Variants in GALNT18 observed in about 807,000 individuals in gnomAD.
GALNT18 encodes polypeptide N-acetylgalactosaminyltransferase 18.
Under a neutral mutation model 69.5 loss-of-function variants are expected in GALNT18, and 44 were observed. The ratio of observed to expected loss-of-function variants is 0.63; its 90% CI spans 0.50 to 0.81. GALNT18 has a LOEUF of 0.81. Among genes scored for constraint, GALNT18 ranks in the 40% least tolerant of loss-of-function variants. The probability of loss-of-function intolerance (pLI) is 0.00; values close to 1 mark genes in which losing one functional copy is unlikely to be tolerated. For missense variants in GALNT18, 715 were observed against 810.0 expected (o/e 0.88, Z 1.42); for synonymous variants, 364 against 318.2 (o/e 1.14, Z -1.53).
intron 1 of GALNT18, among the ~76,000 whole-genome samples, chr11:11,575,017 G>A (rs79435183): frequency 0.021 from 3,198 of 152,278 alleles, 100 homozygotes; most frequent in African/African-American, 0.073. Context: ...GCATGTGCCT[G>A]GCTGAGTACT....
At chr11:11,307,675 G>A (rs1849602015) in intron 9 of GALNT18, among the ~76,000 whole-genome samples, 1 of 152,130 alleles carries the variant, frequency 6.6e-6, no homozygotes, top group Non-Finnish European at 1.5e-5. Context: ...GTTCTTCTCT[G>A]CCTTTGCTGG....
chr11:11,317,856 G>C (rs1470790076), intron 9 of GALNT18, among the ~76,000 whole-genome samples: 1 of 152,202 alleles, frequency 6.6e-6, no homozygotes, highest in Non-Finnish European at 1.5e-5. Context: ...ATGAATGAAT[G>C]AAAGAAACAA....
chr11:11,516,954 G>C (rs4072694), intron 1 of GALNT18, among the ~76,000 whole-genome samples: 107,381 of 152,138 alleles, frequency 0.71, 38,221 homozygotes, highest in East Asian at 0.88. Flanking sequence ...CAAGGTGGTG[G>C]TACTAGGAGG....
Position 11,271,189 on chromosome 11 carries a change from G to C in GALNT18, c.1779C>G (p.Gly593=), listed in dbSNP as rs781545082. 1 of 1,614,106 alleles carries C rather than the reference G, an allele frequency of 6.2e-7. No homozygotes were observed. The highest frequency in any genetic ancestry group is 8.5e-7 in the Non-Finnish European group (1 of 1,179,986). ...GGACGTTGGTGATGCTCCAGTGCTG[G>C]CCCGAGCACTTCTGCAACACCAGCT... ...GFQLVLQKCS[G]QHWSITNVLR... is the part of the protein sequence containing the mutation. Residue 593 remains glycine, a synonymous_variant, in exon 11 of 11, where the codon GGC becomes GGG. Coordinates refer to ENST00000227756, the MANE Select transcript of GALNT18 (RefSeq NM_198516.3).
chr11:11,328,140 T>A (rs4910320), intron 8 of GALNT18, among the ~76,000 whole-genome samples: 478 of 152,050 alleles, frequency 3.1e-3, no homozygotes, highest in African/African-American at 0.011. Context: ...AAGGATATGA[T>A]GATGCACGAG....
Position 11,327,192 on chromosome 11 carries a change from GAGAACAGATGGCCACACCAA to G in GALNT18, c.1417-31_1417-12del. On this transcript the variant is annotated splice_polypyrimidine_tract_variant and intron_variant, in intron 8 of 10. Transcript: ENST00000227756. ...CAGAGAATTCTGCAGCTGAACATCA[GAGAACAGATGGCCACACCAA>G]AGAGAGAGGAACAGAGAGAGCAAAT... is the stretch of plus-strand genomic sequence containing the variant. 1.3e-6 allele frequency: 2 copies of G among 1,585,270 alleles called. No individual in the cohort carries two copies. The highest frequency in any genetic ancestry group is 1.7e-6 in the Non-Finnish European group (2 of 1,153,734).
chr11:11,593,778 A>ATAAAG (rs1265615096), intron 1 of GALNT18, among the ~76,000 whole-genome samples: 1 of 151,816 alleles, frequency 6.6e-6, no homozygotes, highest in Admixed American at 6.6e-5. Flanking sequence ...AAACAATAAA[A>ATAAAG]TAAAGTAAAA....
chr11:11,621,498 G>T lies in GALNT18; in HGVS notation c.96C>A (p.Val32=). 6.2e-7 allele frequency: 1 copy of T among 1,614,122 alleles called. No homozygotes were observed. Reference sequence around the variant, plus strand: ...CATACACGCTGGCGATGTAGTTGGTGACCCAGCCCACGTAGAGCAGGCAGA... The same window carrying T: ...CATACACGCTGGCGATGTAGTTGGTTACCCAGCCCACGTAGAGCAGGCAGA... The part of the protein sequence containing the change: ...NIICLLYVGW[V]TNYIASVYVR... Residue 32 remains valine (V), a synonymous_variant, in exon 1 of 11, where the codon GTC becomes GTA. Transcript: ENST00000227756. The surrounding 1 kb of genome is among the most constrained non-coding windows in gnomAD (Gnocchi z 9.3).
intron 3 of GALNT18, among the ~76,000 whole-genome samples, chr11:11,419,691 A>G (rs1037061134): frequency 6.6e-6 from 1 of 151,956 alleles, no homozygotes; most frequent in South Asian, 2.1e-4. Context: ...TCTTTGTGTC[A>G]ATATGATTAT....
chr11:11,305,072 G>T (rs187751663), intron 9 of GALNT18, among the ~76,000 whole-genome samples: 1 of 152,232 alleles, frequency 6.6e-6, no homozygotes, highest in African/African-American at 2.4e-5. Flanking sequence ...AAGGCCAGAG[G>T]TAGGTGATGA....
chr11:11,370,076 G>GAA (rs35304812), intron 6 of GALNT18, among the ~76,000 whole-genome samples: 1 of 149,652 alleles, frequency 6.7e-6, no homozygotes, highest in African/African-American at 2.4e-5. Context: ...GTATCTTATG[G>GAA]AAAAAAAAAA....
At chr11:11,282,019 G>A (rs1237653694) in intron 10 of GALNT18, among the ~76,000 whole-genome samples, 7 of 152,104 alleles carry the variant, frequency 4.6e-5, no homozygotes, top group African/African-American at 1.4e-4. Context: ...TGGACAGAGG[G>A]ACCAGGCCAC....
rs377012583 is a variant in GALNT18 at position 11,422,618 on chromosome 11, G to T, written c.595+10003C>A. On this transcript the variant is annotated intron_variant, in intron 3 of 10. Coordinates refer to ENST00000227756, the MANE Select transcript of GALNT18 (RefSeq NM_198516.3). The stretch of plus-strand genomic sequence containing the variant: ...ACCATTCTTTTCCTCTGTTTTTTTT[G>T]TTGTTTTTTTTTTTTTAACTTTTGC... Among the ~76,000 whole-genome samples, 241 of 149,382 alleles carry T rather than the reference G, an allele frequency of 1.6e-3. 3 individuals are homozygous for T. In the East Asian group the frequency reaches 0.025, roughly 15 times the overall value.
rs1855487710 is a variant in GALNT18 at position 11,439,467 on chromosome 11, T to A, written c.429-6680A>T. ...CATAACCCAGTAGAGAAAGACCAATTCCCTTCCTGGGCTGGAGTCCAGTCC... is the reference window on the plus strand; with the variant it reads ...CATAACCCAGTAGAGAAAGACCAATACCCTTCCTGGGCTGGAGTCCAGTCC... On this transcript the variant is annotated intron_variant, in intron 2 of 10. Transcript: ENST00000227756. The surrounding 1 kb of genome is among the most constrained non-coding windows in gnomAD (Gnocchi z 4.4). Among the ~76,000 whole-genome samples the A allele has an allele frequency of 6.6e-6, 1 of 152,210 alleles. No individual in the cohort carries two copies. The highest frequency in any genetic ancestry group is 2.4e-5 in the African/African-American group (1 of 41,446).
chr11:11,334,102 G>C (rs899714799), intron 7 of GALNT18, among the ~76,000 whole-genome samples: 20 of 152,082 alleles, frequency 1.3e-4, no homozygotes, highest in Admixed American at 2.0e-4. Context: ...GTGAATCCCT[G>C]GTTCAAACAT....
chr11:11,513,310 C>T (rs1013880807), intron 1 of GALNT18, among the ~76,000 whole-genome samples: 7 of 152,234 alleles, frequency 4.6e-5, no homozygotes, highest in Non-Finnish European at 1.0e-4. Context: ...AAGGAATTAG[C>T]ACAGTGCTTG....
rs979726658 is a variant in GALNT18, at chr11:11,372,326, T to A, written c.1092+189A>T. On this transcript the variant is annotated intron_variant, in intron 6 of 10. Coordinates refer to ENST00000227756, the MANE Select transcript of GALNT18 (RefSeq NM_198516.3). The surrounding 1 kb of genome is among the most constrained non-coding windows in gnomAD (Gnocchi z 4.9). ...TCCCCCAGCCAAGCTGGTTCTGAAG[T>A]CCTCTTCTTCCTGAAAAGTCAAGAG... Among the ~76,000 whole-genome samples the A allele has an allele frequency of 2.6e-5, 4 of 152,182 alleles. No individual in the cohort carries two copies. Among genetic ancestry groups the A allele is most frequent in the African/African-American group, 9.7e-5 (4 of 41,450 alleles).
chr11:11,432,131 T>A lies in GALNT18; in HGVS notation c.595+490A>T, dbSNP rs1185755386. Among the ~76,000 whole-genome samples the A allele has an allele frequency of 6.6e-6, 1 of 152,200 alleles. No homozygotes were observed. The highest frequency in any genetic ancestry group is 2.4e-5 in the African/African-American group (1 of 41,446). On this transcript the variant is annotated intron_variant, in intron 3 of 10. Transcript: ENST00000227756. The surrounding 1 kb of genome is among the most constrained non-coding windows in gnomAD (Gnocchi z 5.8). ...GAGGCTAGACATTCAACAAGTCTGTTGCTGTCATTGAGTTACGTGTCCACT... is the reference window on the plus strand; with the variant it reads ...GAGGCTAGACATTCAACAAGTCTGTAGCTGTCATTGAGTTACGTGTCCACT...
chr11:11,448,355 T>C (rs1035103434), intron 2 of GALNT18, among the ~76,000 whole-genome samples: 1 of 152,216 alleles, frequency 6.6e-6, no homozygotes, highest in Non-Finnish European at 1.5e-5. Context: ...CTCTGTCAGA[T>C]GTAACGACTT....
Sources: gnomAD v4.1 joint callset for allele counts (sites outside exome capture counted in the v4.1 genomes callset) on GRCh38, gnomAD v4.1.1 for gene constraint, Gnocchi (gnomAD v3.1) non-coding constraint, MANE v1.5 for transcripts, NCBI Gene and HGNC (gene_info 2026-07-23, HGNC 2026-07-21) for gene names.